LLGL1: variants seen among roughly 807,000 people sequenced by gnomAD.
The protein encoded by LLGL1 is LLGL scribble cell polarity complex component 1, also known as lethal(2) giant larvae protein homolog 1.
In LLGL1, 58 loss-of-function variants were observed where a neutral mutation model predicts 110.6. That is an observed-to-expected ratio of 0.52 (90% confidence interval 0.42 to 0.65). LLGL1 has a LOEUF of 0.65. LLGL1 is among the 30% of genes least tolerant of loss of function. The pLI, the probability that LLGL1 is intolerant of heterozygous loss-of-function variation, is 0.00. For missense variants in LLGL1, 1,229 were observed against 1,462.1 expected (o/e 0.84, Z 2.60); for synonymous variants, 674 against 607.2 (o/e 1.11, Z -1.62).
chr17:18,237,110 G>C (rs896610723), intron 13 of LLGL1, 171 bp downstream of exon 13: 3 of 624,074 alleles, frequency 4.8e-6, no homozygotes, highest in South Asian at 1.9e-5. Flanking sequence ...TGGGCCTGTC[G>C]CTGGGGGAAC....
chr17:18,236,332 C>T lies in LLGL1; in HGVS notation c.1353-275C>T, dbSNP rs1304361593. 6.5e-5 allele frequency: 30 copies of T among 460,598 alleles called. No homozygotes were observed. The Admixed American group carries it at 1.1e-3, about 17-fold the overall frequency. 28.5% of individuals were successfully genotyped at this position (460,598 alleles called of 1,614,324 possible). ...AAGTCCTCTGTTCTCTACATGTCCC[C>T]CTTTGCCACCTCCTGTTAATCAGGG... is the stretch of plus-strand genomic sequence containing the variant. On this transcript the variant is annotated intron_variant, in intron 11 of 22. Coordinates refer to ENST00000316843, the MANE Select transcript of LLGL1 (RefSeq NM_004140.4).
Position 18,236,652 on chromosome 17 carries a change from G to A in LLGL1, c.1398G>A (p.Ala466=), listed in dbSNP as rs146954466. The change falls in exon 12 of 23, where the codon GCG becomes GCA. Residue 466 remains alanine (A), a synonymous_variant. Transcript: ENST00000316843. ...TVRFWDASGV[A]LRPLYKLSTA... The stretch of plus-strand genomic sequence containing the variant: ...GGTTCTGGGATGCCTCGGGTGTGGC[G>A]CTGCGGCCGCTCTATAAGCTGAGCA... 14 of 1,612,704 alleles carry A rather than the reference G, an allele frequency of 8.7e-6. No individual in the cohort carries two copies. The highest frequency in any genetic ancestry group is 1.7e-5 in the Admixed American group (1 of 59,998).
intron 20 of LLGL1, 84 bp downstream of exon 20, chr17:18,242,362 G>T: frequency 3.9e-6 from 6 of 1,544,034 alleles, no homozygotes; most frequent in Non-Finnish European, 5.3e-6. Flanking sequence ...CTCAGGGATC[G>T]GGCAGGCTTC....
rs1250604872 is a variant in LLGL1 at position 18,241,728 on chromosome 17, A to G, written c.2767+13A>G. ...CGCCATGGCCAGGGTGAGGCGGGGC[A>G]GAGGCCGAGGAGGCCTTCCTCAGGC... On this transcript the variant is annotated intron_variant, in intron 18 of 22. Transcript: ENST00000316843. 1 of 1,611,316 alleles carries G rather than the reference A, an allele frequency of 6.2e-7. No homozygotes were observed. Among genetic ancestry groups the G allele is most frequent in the Non-Finnish European group, 8.5e-7 (1 of 1,178,586 alleles).
intron 11 of LLGL1, chr17:18,236,398 A>T (rs555202923): frequency 1.8e-6 from 1 of 565,050 alleles, no homozygotes; most frequent in Non-Finnish European, 3.1e-6. Context: ...CTCCAGGTGC[A>T]TATGGTGCAT....
At chr17:18,230,560 C>G (rs551013644) in intron 2 of LLGL1, among the ~76,000 whole-genome samples, 1 of 119,546 alleles carries the variant, frequency 8.4e-6, no homozygotes, top group African/African-American at 3.2e-5. Context: ...CCACACAAAG[C>G]GGGCATTTTC....
At chr17:18,228,348 A>C (rs1429396676) in intron 1 of LLGL1, among the ~76,000 whole-genome samples, 6 of 152,212 alleles carry the variant, frequency 3.9e-5, no homozygotes, top group Non-Finnish European at 7.4e-5. Flanking sequence ...GAGGGGCAGT[A>C]GGTGCAAAGG....
chr17:18,235,594 T>C, intron 11 of LLGL1, 57 bp downstream of exon 11: 2 of 1,564,978 alleles, frequency 1.3e-6, no homozygotes, highest in South Asian at 2.3e-5. Flanking sequence ...GGAGAGCCCA[T>C]CCTGGGCCTG....
At position 18,241,700 on chromosome 17, in the gene LLGL1, A is replaced by G; in HGVS notation, c.2752A>G (p.Thr918Ala). The G allele has an allele frequency of 6.2e-7, 1 of 1,613,198 alleles. No individual in the cohort carries two copies. Among genetic ancestry groups the G allele is most frequent in the Non-Finnish European group, 8.5e-7 (1 of 1,179,774 alleles). The stretch of plus-strand genomic sequence containing the variant: ...CAGCGGCATCGCTTCGTGCGTCTTT[A>G]CGCGCCATGGCCAGGGTGAGGCGGG... ...DISGIASCVFTRHGQGFYLIS... is the reference protein window; with the variant it reads ...DISGIASCVFARHGQGFYLIS... The change falls in exon 18 of 23, where the codon ACG becomes GCG. Residue 918 changes from threonine to alanine, a missense_variant. Coordinates refer to ENST00000316843, the MANE Select transcript of LLGL1 (RefSeq NM_004140.4).
intron 16 of LLGL1, among the ~76,000 whole-genome samples, chr17:18,238,965 C>G (rs549797890): frequency 6.6e-6 from 1 of 152,034 alleles, no homozygotes; most frequent in African/African-American, 2.4e-5. Flanking sequence ...GAGCCGAGAT[C>G]GTACCACTGC....
chr17:18,241,715 G>C lies in LLGL1; in HGVS notation c.2767G>C (p.Gly923Arg). 1 of 1,612,332 alleles carries C rather than the reference G, an allele frequency of 6.2e-7. No individual in the cohort carries two copies. Among genetic ancestry groups the C allele is most frequent in the East Asian group, 2.2e-5 (1 of 44,856 alleles). Residue 923 changes from glycine (G) to arginine (R), a missense_variant and splice_region_variant, in exon 18 of 23, where the codon GGC (glycine) becomes CGC (arginine). Gly to Arg is a moderately radical substitution (Grantham distance 125). Transcript: ENST00000316843. ...GTGCGTCTTTACGCGCCATGGCCAG[G>C]GTGAGGCGGGGCAGAGGCCGAGGAG... ...ASCVFTRHGQGFYLISPSEFE... is the reference protein window; with the variant it reads ...ASCVFTRHGQRFYLISPSEFE...
In LLGL1 at chr17:18,237,468, G is replaced by T; in HGVS notation, c.1612-13G>T. 6.4e-7 allele frequency: 1 copy of T among 1,563,532 alleles called. No homozygotes were observed. Among genetic ancestry groups the T allele is most frequent in the Admixed American group, 1.8e-5 (1 of 57,106 alleles). On this transcript the variant is annotated splice_polypyrimidine_tract_variant and intron_variant, in intron 13 of 22. Coordinates refer to ENST00000316843, the MANE Select transcript of LLGL1 (RefSeq NM_004140.4). ...CCTGCGCTGATGCTCCCCCTGCCTG[G>T]CTGTGGGCTCAGGTGCTGGTACTGG...
Position 18,244,736 on chromosome 17 carries a change from A to AGGGGGGGGGGGGGGGGGGGGGGGGGG in LLGL1, c.*840_*841insGGGGGGGGGGGGGGGGGGGGGGGGGG, listed in dbSNP as rs1567700333. 1 of 10,212 alleles carries AGGGGGGGGGGGGGGGGGGGGGGGGGG rather than the reference A, an allele frequency of 9.8e-5. No individual in the cohort carries two copies. Among genetic ancestry groups the AGGGGGGGGGGGGGGGGGGGGGGGGGG allele is most frequent in the African/African-American group, 3.4e-4 (1 of 2,942 alleles). The allele number at this position is 10,212 out of a possible 1,614,324, so 0.6% of individuals were successfully genotyped here. On this transcript the variant is annotated 3_prime_UTR_variant, in exon 23 of 23. Coordinates refer to ENST00000316843, the MANE Select transcript of LLGL1 (RefSeq NM_004140.4). ...TGTGTGTCCGGCGGGGGGGGGGGGCAGGGGGGGGGGTCAAGATGAGTTTCC... is the reference window on the plus strand; with the variant it reads ...TGTGTGTCCGGCGGGGGGGGGGGGCAGGGGGGGGGGGGGGGGGGGGGGGGGGGGGGGGGGGGTCAAGATGAGTTTCC...
At chr17:18,241,048 C>T (rs1463319058) in intron 17 of LLGL1, 175 bp downstream of exon 17, 5 of 678,824 alleles carry the variant, frequency 7.4e-6, no homozygotes, top group Non-Finnish European at 9.6e-6. Flanking sequence ...TACCCAAGAA[C>T]CCTGATGCCC....
Position 18,235,143 on chromosome 17 carries a change from T to C in LLGL1, c.1115T>C (p.Leu372Pro). The C allele has an allele frequency of 6.2e-7, 1 of 1,613,762 alleles. No individual in the cohort carries two copies. The highest frequency in any genetic ancestry group is 8.5e-7 in the Non-Finnish European group (1 of 1,180,024). ...AVLLEEELVVLDLQTPGWPAV... is the reference protein window; with the variant it reads ...AVLLEEELVVPDLQTPGWPAV... ...CTGCTGGAAGAGGAGCTGGTGGTGCTGGACCTGCAGACTCCTGGCTGGCCA... is the reference window on the plus strand; with the variant it reads ...CTGCTGGAAGAGGAGCTGGTGGTGCCGGACCTGCAGACTCCTGGCTGGCCA... The change falls in exon 10 of 23, where the codon CTG (leucine) becomes CCG (proline). Residue 372 changes from leucine (L) to proline (P), a missense_variant. Leu to Pro is a moderately conservative substitution (Grantham distance 98). Coordinates refer to ENST00000316843, the MANE Select transcript of LLGL1 (RefSeq NM_004140.4).
rs371605062 is a variant in LLGL1 at position 18,238,471 on chromosome 17, G to A, written c.2068G>A (p.Ala690Thr). 1.2e-6 allele frequency: 2 copies of A among 1,610,670 alleles called. No individual in the cohort carries two copies. Among genetic ancestry groups the A allele is most frequent in the African/African-American group, 1.3e-5 (1 of 74,914 alleles). Residue 690 changes from alanine to threonine, a missense_variant, in exon 16 of 23, where the codon GCA (alanine) becomes ACA (threonine). Coordinates refer to ENST00000316843, the MANE Select transcript of LLGL1 (RefSeq NM_004140.4). ...NASSKLQEAN[A>T]QLAEQACPHD... Reference sequence around the variant, plus strand: ...CGCCCGGCAGTTGCAGGAAGCCAATGCACAGCTGGCTGAGCAGGCCTGCCC... The same window carrying A: ...CGCCCGGCAGTTGCAGGAAGCCAATACACAGCTGGCTGAGCAGGCCTGCCC...
Position 18,238,064 on chromosome 17 carries a change from C to T in LLGL1, c.1905-3C>T, listed in dbSNP as rs1359718924. 1 of 1,613,540 alleles carries T rather than the reference C, an allele frequency of 6.2e-7. No individual in the cohort carries two copies. Among genetic ancestry groups the T allele is most frequent in the African/African-American group, 1.3e-5 (1 of 75,050 alleles). On this transcript the variant is annotated splice_region_variant and splice_polypyrimidine_tract_variant and intron_variant, in intron 14 of 22. Transcript: ENST00000316843. ...AGCACGACTGGACCCTGTCTTCCCCCAGGTGCACTCTTCACCCCAATGACT... is the reference window on the plus strand; with the variant it reads ...AGCACGACTGGACCCTGTCTTCCCCTAGGTGCACTCTTCACCCCAATGACT...
chr17:18,233,752 C>T (rs769527682), intron 4 of LLGL1, 26 bp from the exon 5 acceptor site: 27 of 1,598,172 alleles, frequency 1.7e-5, no homozygotes, highest in Non-Finnish European at 2.1e-5. Context: ...CTTGTACCCT[C>T]ACTCCCTTCC....
intron 19 of LLGL1, 42 bp from the exon 20 acceptor site, chr17:18,242,124 A>G (rs760174604): frequency 6.3e-7 from 1 of 1,575,706 alleles, no homozygotes; most frequent in South Asian, 1.1e-5. Flanking sequence ...GCCAGCCTCA[A>G]GTCATCCACC....
Sources: allele counts gnomAD v4.1 joint callset (sites outside exome capture counted in the v4.1 genomes callset), GRCh38; gene constraint gnomAD v4.1.1; transcripts MANE v1.5; gene names NCBI Gene and HGNC (gene_info 2026-07-23, HGNC 2026-07-21).